The following CFAP99 variants were observed in gnomAD, a reference collection of about 807,000 sequenced individuals.
The protein encoded by CFAP99 is cilia and flagella associated protein 99, also known as cilia- and flagella-associated protein 99.
In CFAP99, 84 loss-of-function variants were observed where a neutral mutation model predicts 82.7. The ratio of observed to expected loss-of-function variants is 1.02; its 90% CI spans 0.85 to 1.22. CFAP99 has a LOEUF of 1.22. Among genes scored for constraint, CFAP99 ranks in the 50% most tolerant of loss-of-function variants. The probability of loss-of-function intolerance (pLI) is 0.00; values close to 1 mark genes in which losing one functional copy is unlikely to be tolerated. For missense variants in CFAP99, 1,059 were observed against 983.5 expected, an observed-to-expected ratio of 1.08 and a Z score of -1.03; for synonymous variants, 456 against 429.5, an observed-to-expected ratio of 1.06 and a Z score of -0.76.
intron 1 of CFAP99, among the ~76,000 whole-genome samples, chr4:2,423,282 G>A (rs542032937): frequency 1.1e-4 from 16 of 152,322 alleles, no homozygotes; most frequent in East Asian, 5.8e-4. Flanking sequence ...ACACCGCACC[G>A]CACCCCTGCC....
intron 2 of CFAP99, among the ~76,000 whole-genome samples, chr4:2,429,886 C>A (rs1414371013): frequency 2.6e-5 from 4 of 152,230 alleles, no homozygotes; most frequent in Non-Finnish European, 4.4e-5. Context: ...CCACTGCACC[C>A]AGCCTTTTCA....
At chr4:2,436,821 C>T (rs1341103050) in intron 2 of CFAP99, 53 bp from the exon 3 acceptor site, 8 of 1,494,084 alleles carry the variant, frequency 5.4e-6, no homozygotes, top group South Asian at 2.4e-5. Flanking sequence ...CCCCCACCGC[C>T]GCCCTTTCCT....
At chr4:2,445,166 T>C (rs1284610724) in exon 6 of CFAP99, 12 of 1,412,004 alleles carry the variant, frequency 8.5e-6, no homozygotes, top group Non-Finnish European at 9.2e-6. Flanking sequence ...ATCAACCACC[T>C]GGAGGGCGTG....
chr4:2,462,977 G>A (rs1217639940), downstream of CFAP99: 2 of 1,062,320 alleles, frequency 1.9e-6, no homozygotes, highest in African/African-American at 1.7e-5. The surrounding 1 kb of genome is among the most constrained non-coding windows in gnomAD (Gnocchi z 4.1). Context: ...TACACCCGCC[G>A]CCCCAATAAA....
intron 1 of CFAP99, among the ~76,000 whole-genome samples, chr4:2,424,480 A>G (rs6857794): frequency 0.3 from 46,346 of 152,098 alleles, 8,125 homozygotes; most frequent in East Asian, 0.52. Flanking sequence ...AGAACAGCCC[A>G]TGTCAGGCCT....
At chr4:2,421,504 C>T (rs1578459783) in intron 1 of CFAP99, among the ~76,000 whole-genome samples, 1 of 152,074 alleles carries the variant, frequency 6.6e-6, no homozygotes, top group Non-Finnish European at 1.5e-5. Flanking sequence ...CAGGCACCTG[C>T]CACCACGCCT....
At chr4:2,434,459 A>G (rs1302578271) in intron 2 of CFAP99, among the ~76,000 whole-genome samples, 2 of 152,246 alleles carry the variant, frequency 1.3e-5, no homozygotes, top group Non-Finnish European at 2.9e-5. Flanking sequence ...TGTTGCTACC[A>G]GCTGGCATTC....
intron 4 of CFAP99, among the ~76,000 whole-genome samples, chr4:2,439,073 T>C (rs560935708): frequency 3.3e-5 from 5 of 152,046 alleles, no homozygotes; most frequent in Non-Finnish European, 7.4e-5. Context: ...TGGACCGAAA[T>C]GTTTGGGCCT....
intron 13 of CFAP99, 74 bp downstream of exon 13, chr4:2,459,332 A>G: frequency 1.4e-6 from 2 of 1,450,552 alleles, no homozygotes; most frequent in South Asian, 2.7e-5. Context: ...GGCAGTTTCC[A>G]GGGTTCCCAC....
exon 14 of CFAP99, chr4:2,460,171 C>T (rs2108737697): frequency 2.0e-6 from 3 of 1,536,112 alleles, no homozygotes; most frequent in Admixed American, 2.0e-5. Flanking sequence ...ACACCAAGAG[C>T]CAGGAACTGC....
intron 14 of CFAP99, among the ~76,000 whole-genome samples, chr4:2,461,031 G>A (rs1241256535): frequency 6.6e-6 from 1 of 152,194 alleles, no homozygotes; most frequent in African/African-American, 2.4e-5. Flanking sequence ...GCCCAGCCTG[G>A]CTAACATTTT....
Position 2,462,650 on chromosome 4 carries a change from G to T in CFAP99, c.1869G>T (p.Gly623=). ...AGGAGCCCGGGCGACTGAAAGCCGGGGCCGGGTGGGGATGGCGGGCGCGGC... is the reference window on the plus strand; with the variant it reads ...AGGAGCCCGGGCGACTGAAAGCCGGTGCCGGGTGGGGATGGCGGGCGCGGC... The change falls in exon 15 of 15, where the codon GGG becomes GGT. Residue 623 remains glycine, a synonymous_variant. Coordinates refer to ENST00000635017, the Ensembl canonical transcript of CFAP99. The surrounding 1 kb of genome is among the most constrained non-coding windows in gnomAD (Gnocchi z 4.1). 1.6e-6 allele frequency: 2 copies of T among 1,284,902 alleles called. No homozygotes were observed. Among genetic ancestry groups the T allele is most frequent in the South Asian group, 4.9e-5 (2 of 41,012 alleles). The allele number at this position is 1,284,902 out of a possible 1,614,324, so 79.6% of individuals were successfully genotyped here.
At chr4:2,459,048 C>T in intron 12 of CFAP99, 59 bp from the exon 13 acceptor site, 2 of 1,459,410 alleles carry the variant, frequency 1.4e-6, no homozygotes, top group South Asian at 1.4e-5. Flanking sequence ...AGGTGCCTTC[C>T]TGTCCAGCCC....
chr4:2,433,346 G>A (rs961342222), intron 2 of CFAP99, among the ~76,000 whole-genome samples: 1 of 152,026 alleles, frequency 6.6e-6, no homozygotes, highest in Non-Finnish European at 1.5e-5. Flanking sequence ...CACCCTCAGC[G>A]GCCACGCTGA....
chr4:2,461,978 T>A (rs548085134), intron 14 of CFAP99, among the ~76,000 whole-genome samples: 57 of 151,372 alleles, frequency 3.8e-4, no homozygotes, highest in Middle Eastern at 3.4e-3. Flanking sequence ...AATACTTTTT[T>A]AAAAAAATGT....
At chr4:2,441,084 TAATA>T (rs1368610364) in intron 4 of CFAP99, among the ~76,000 whole-genome samples, 1 of 148,496 alleles carries the variant, frequency 6.7e-6, no homozygotes, top group Admixed American at 6.7e-5. Flanking sequence ...AATAATATAA[TAATA>T]ATAATAATTG....
rs1442206973 is a variant in CFAP99 at position 2,442,934 on chromosome 4, G to T, written c.352-196G>T. Among the ~76,000 whole-genome samples the T allele has an allele frequency of 2.0e-3, 235 of 114,768 alleles. 3 individuals carry two copies. The highest frequency in any genetic ancestry group is 7.3e-3 in the African/African-American group (215 of 29,412). The allele number at this position is 114,768 out of a possible 152,430, so 75.3% of individuals were successfully genotyped here. ...CAGGGAGCTCACTGGGGTGCTGGGG[G>T]CCTTGGGGGGAGCCACTGGGGGTGC... On this transcript the variant is annotated intron_variant, in intron 4 of 14. Coordinates refer to ENST00000635017, the Ensembl canonical transcript of CFAP99.
chr4:2,441,030 C>T (rs1234193295), intron 4 of CFAP99, among the ~76,000 whole-genome samples: 6 of 151,620 alleles, frequency 4.0e-5, no homozygotes, highest in Non-Finnish European at 8.8e-5. Flanking sequence ...TGCACTCCAG[C>T]CTGGGTGACA....
At chr4:2,443,065 G>C in intron 4 of CFAP99, 65 bp from the exon 5 acceptor site, 1 of 918,610 alleles carries the variant, frequency 1.1e-6, no homozygotes, top group Non-Finnish European at 1.7e-6. Context: ...GGGGTGCTGG[G>C]GACTTTGCCC....
Sources: allele counts gnomAD v4.1 joint callset (sites outside exome capture counted in the v4.1 genomes callset), GRCh38; gene constraint gnomAD v4.1.1; non-coding constraint Gnocchi (gnomAD v3.1); transcripts MANE v1.5; gene names NCBI Gene and HGNC (gene_info 2026-07-23, HGNC 2026-07-21).